Variants in BAHD1 observed in about 807,000 individuals in gnomAD.
BAHD1 encodes the protein bromo adjacent homology domain-containing 1 protein.
In BAHD1, 20 loss-of-function variants were observed where a neutral mutation model predicts 63.1. The observed-to-expected ratio is 0.32, with a 90% confidence interval of 0.22 to 0.46. The LOEUF is 0.46. Among genes scored for constraint, BAHD1 ranks in the 20% least tolerant of loss-of-function variants. BAHD1 has a pLI of 1.00. For missense variants in BAHD1, 939 were observed against 1,071.8 expected (o/e 0.88, Z 1.73); for synonymous variants, 408 against 426.8 (o/e 0.96, Z 0.54).
At chr15:40,451,145 CAAA>C (rs397827665) in intron 1 of BAHD1, among the ~76,000 whole-genome samples, 5 of 30,624 alleles carry the variant, frequency 1.6e-4, no homozygotes, top group African/African-American at 3.9e-4. Flanking sequence ...AACTCCATCT[CAAA>C]AAAAAAAAAA....
chr15:40,452,528 C>G (rs559610750), intron 1 of BAHD1, among the ~76,000 whole-genome samples: 3 of 152,194 alleles, frequency 2.0e-5, no homozygotes, highest in Non-Finnish European at 4.4e-5. Context: ...TAGTTTCTGC[C>G]CCGGCCCTCT....
intron 1 of BAHD1, chr15:40,443,264 C>A (rs1261733271): frequency 1.0e-6 from 1 of 985,298 alleles, no homozygotes; most frequent in Non-Finnish European, 1.2e-6. Flanking sequence ...TGGCCACCCC[C>A]CATGGACCTC....
chr15:40,445,671 C>A (rs188249533), intron 1 of BAHD1, among the ~76,000 whole-genome samples: 263 of 152,282 alleles, frequency 1.7e-3, no homozygotes, highest in Non-Finnish European at 2.7e-3. Context: ...ACAGCCCCGA[C>A]ATTAAAGGGC....
intron 2 of BAHD1, 81 bp downstream of exon 2, chr15:40,459,977 G>C (rs187804665): frequency 2.1e-6 from 3 of 1,459,044 alleles, no homozygotes; most frequent in East Asian, 4.8e-5. Context: ...GATCTGAGCA[G>C]GGGTCTCCCT....
At chr15:40,444,507 A>G (rs879350965) in intron 1 of BAHD1, among the ~76,000 whole-genome samples, 6 of 152,166 alleles carry the variant, frequency 3.9e-5, no homozygotes, top group Non-Finnish European at 8.8e-5. Context: ...CTTGTTGTTC[A>G]TGCTAAATGA....
intron 1 of BAHD1, among the ~76,000 whole-genome samples, chr15:40,443,813 C>G (rs1424020216): frequency 6.6e-6 from 1 of 152,188 alleles, no homozygotes; most frequent in East Asian, 1.9e-4. Flanking sequence ...TTCTCACAGA[C>G]TTGCAATGGC....
rs1442733279 is a variant in BAHD1, at chr15:40,465,935, C to A, written c.2154-6C>A. ...AGTAAAGACAGTGAATGGTATCTCT[C>A]TACAGGTTCTGTGCCATGGCCAAGC... On this transcript the variant is annotated splice_polypyrimidine_tract_variant and splice_region_variant and intron_variant, in intron 6 of 6. Transcript: ENST00000416165. 3 of 1,577,864 alleles carry A rather than the reference C, an allele frequency of 1.9e-6. No individual in the cohort carries two copies. Among genetic ancestry groups the A allele is most frequent in the African/African-American group, 2.7e-5 (2 of 73,678 alleles).
At chr15:40,440,152 G>A (rs973394767), upstream of BAHD1, among the ~76,000 whole-genome samples, 10 of 152,190 alleles carry the variant, frequency 6.6e-5, no homozygotes, top group Admixed American at 5.2e-4. Context: ...GGAAATGGAT[G>A]AGGGCTCCAC....
rs774323304 is a variant in BAHD1 at position 40,459,446 on chromosome 15, C to T, written c.982C>T (p.Pro328Ser). ...MGGQAALKPE[P>S]GRPGEESPAP... is the part of the protein sequence containing the mutation. ...TGGACAGGCGGCTCTGAAGCCGGAG[C>T]CTGGGCGCCCAGGCGAGGAGTCACC... The change falls in exon 2 of 7, where the codon CCT (proline) becomes TCT (serine). Residue 328 changes from proline to serine, a missense_variant. Transcript: ENST00000416165. 49 of 1,613,430 alleles carry T rather than the reference C, an allele frequency of 3.0e-5. No individual in the cohort carries two copies. The Admixed American group carries it at 8.0e-4, about 26-fold the overall frequency.
intron 2 of BAHD1, among the ~76,000 whole-genome samples, chr15:40,461,388 A>G (rs978485142): frequency 6.6e-6 from 1 of 152,182 alleles, no homozygotes; most frequent in Non-Finnish European, 1.5e-5. Flanking sequence ...CTGTAATCCT[A>G]GCACTTTGGG....
chr15:40,458,767 C>G lies in BAHD1; in HGVS notation c.303C>G (p.Ser101Arg), dbSNP rs779561411. 5.5e-5 allele frequency: 89 copies of G among 1,613,138 alleles called. No homozygotes were observed. The highest frequency in any genetic ancestry group is 2.0e-4 in the Admixed American group (12 of 60,012). The part of the protein sequence containing the change: ...ELPPDLPKPP[S>R]PAPSSEDPGL... ...CGCCTGACCTGCCCAAGCCCCCCAG[C>G]CCGGCCCCATCCAGTGAAGACCCTG... is the stretch of plus-strand genomic sequence containing the variant. The change falls in exon 2 of 7, where the codon AGC becomes AGG. Residue 101 changes from serine (S) to arginine (R), a missense_variant. Around this residue, in one of 5 missense-constraint regions of BAHD1, gnomAD observed 797 missense variants for 813.3 expected, o/e 0.98. Coordinates refer to ENST00000416165, the MANE Select transcript of BAHD1 (RefSeq NM_014952.5). The surrounding 1 kb of genome is among the most constrained non-coding windows in gnomAD (Gnocchi z 4.7).
At position 40,455,631 on chromosome 15, in the gene BAHD1, C is replaced by A. The variant is rs143862293; in HGVS notation, c.-14-2820C>A. ...CCAGGCCTGACAGCACCTCCCTGTG[C>A]TGTCTTTCCCAGCCGCCTTCTCCTT... On this transcript the variant is annotated intron_variant, in intron 1 of 6. Coordinates refer to ENST00000416165, the MANE Select transcript of BAHD1 (RefSeq NM_014952.5). 5.9e-5 allele frequency among the ~76,000 whole-genome samples: 9 copies of A among 152,352 alleles called. No homozygotes were observed. In the East Asian group the frequency reaches 1.7e-3, roughly 29 times the overall value.
chr15:40,451,907 G>GT (rs1893715910), intron 1 of BAHD1, among the ~76,000 whole-genome samples: 1 of 145,450 alleles, frequency 6.9e-6, no homozygotes, highest in African/African-American at 2.6e-5. Flanking sequence ...CTAAAGACTA[G>GT]TTTTTTATTG....
chr15:40,464,235 G>A, intron 4 of BAHD1: 1 of 669,568 alleles, frequency 1.5e-6, no homozygotes. Context: ...TTTCCAGCCA[G>A]CAGAGCCTGG....
chr15:40,440,221 A>G (rs974002647), upstream of BAHD1, among the ~76,000 whole-genome samples: 1 of 150,596 alleles, frequency 6.6e-6, no homozygotes, highest in Non-Finnish European at 1.5e-5. Context: ...GGTGAAGGGC[A>G]GAAAGAGGAA....
At chr15:40,440,086 G>A (rs1224098207), upstream of BAHD1, 1 of 152,406 alleles carries the variant, frequency 6.6e-6, no homozygotes, top group Admixed American at 6.5e-5. Context: ...TCCCCGCGGT[G>A]GTGGAAGAGG....
At position 40,458,435 on chromosome 15, in the gene BAHD1, A is replaced by G. The variant is rs746337082; in HGVS notation, c.-14-16A>G. The G allele has an allele frequency of 6.5e-7, 1 of 1,532,576 alleles. No homozygotes were observed. Among genetic ancestry groups the G allele is most frequent in the Admixed American group, 2.0e-5 (1 of 49,336 alleles). The allele number at this position is 1,532,576 out of a possible 1,614,324, so 94.9% of individuals were successfully genotyped here. ...CCAGAGAGGGCTTCTCTCATTGCCCACCTTCTGTCCTGCAGGTTGGAAGTA... is the reference window on the plus strand; with the variant it reads ...CCAGAGAGGGCTTCTCTCATTGCCCGCCTTCTGTCCTGCAGGTTGGAAGTA... On this transcript the variant is annotated splice_polypyrimidine_tract_variant and intron_variant, in intron 1 of 6. Coordinates refer to ENST00000416165, the MANE Select transcript of BAHD1 (RefSeq NM_014952.5). The surrounding 1 kb of genome is among the most constrained non-coding windows in gnomAD (Gnocchi z 4.7).
rs147347706 is a variant in BAHD1 at position 40,465,148 on chromosome 15, G to C, written c.2053-187G>C. ...ACCTGGCTATTCTGGAGAAGGGGGG[G>C]ACCTAGAAGGGACTCAGGAGGAATG... On this transcript the variant is annotated intron_variant, in intron 5 of 6. Transcript: ENST00000416165. The C allele has an allele frequency of 5.8e-3, 3,487 of 600,132 alleles. 62 individuals are homozygous for C. The highest frequency in any genetic ancestry group is 0.037 in the South Asian group (1,918 of 51,152). 37.2% of individuals were successfully genotyped at this position (600,132 alleles called of 1,614,324 possible).
intron 1 of BAHD1, among the ~76,000 whole-genome samples, chr15:40,454,098 G>GAGC (rs1454866293): frequency 2.0e-5 from 3 of 152,250 alleles, no homozygotes; most frequent in Non-Finnish European, 4.4e-5. Context: ...GGTAAGGGGA[G>GAGC]AGCAGCAACC....
Sources: allele counts gnomAD v4.1 joint callset (sites outside exome capture counted in the v4.1 genomes callset), GRCh38; gene constraint gnomAD v4.1.1; regional missense constraint gnomAD v4.1.1; non-coding constraint Gnocchi (gnomAD v3.1); transcripts MANE v1.5; gene names NCBI Gene and HGNC (gene_info 2026-07-23, HGNC 2026-07-21).